Variants in SPAG16 observed in about 807,000 individuals in gnomAD.
SPAG16 encodes sperm associated antigen 16.
In SPAG16, 86 loss-of-function variants were observed where a neutral mutation model predicts 80.4. The observed-to-expected ratio is 1.07, with a 90% CI of 0.90 to 1.28. The LOEUF (loss-of-function observed/expected upper bound fraction) is 1.28, where lower values mean the gene tolerates loss of function less well. Ranked by LOEUF, SPAG16 falls within the 50% of genes most tolerant of loss-of-function variation. The pLI is 0.00. For missense variants in SPAG16, 870 were observed against 765.3 expected, an observed-to-expected ratio of 1.14 and a Z score of -1.61; for synonymous variants, 294 against 265.9, an observed-to-expected ratio of 1.11 and a Z score of -1.03.
chr2:213,802,991 C>T (rs1006630988), intron 10 of SPAG16, among the ~76,000 whole-genome samples: 3 of 151,556 alleles, frequency 2.0e-5, no homozygotes, highest in Non-Finnish European at 4.4e-5. Context: ...CTGGATTATA[C>T]TTCAGGGCAG....
intron 10 of SPAG16, among the ~76,000 whole-genome samples, chr2:213,842,477 A>T (rs2074408407): frequency 6.6e-6 from 1 of 152,238 alleles, no homozygotes; most frequent in African/African-American, 2.4e-5. Context: ...TCTATTGGAT[A>T]TACCTTGGCA....
At chr2:213,743,873 T>A (rs2067693024) in intron 10 of SPAG16, among the ~76,000 whole-genome samples, 1 of 152,242 alleles carries the variant, frequency 6.6e-6, no homozygotes, top group Admixed American at 6.5e-5. Context: ...TTAAATGTGT[T>A]AGAACTCAAT....
chr2:214,240,804 G>T (rs1340192702), intron 15 of SPAG16: 1 of 152,052 alleles, frequency 6.6e-6, no homozygotes, highest in African/African-American at 2.4e-5. Context: ...TTATGTGAAA[G>T]AAAAATACAT....
At chr2:213,329,525 G>A (rs7583832) in intron 5 of SPAG16, among the ~76,000 whole-genome samples, 103,796 of 151,996 alleles carry the variant, frequency 0.68, 36,239 homozygotes, top group East Asian at 1. Flanking sequence ...TTATTATCTG[G>A]TGGAAGAAAT....
chr2:213,485,011 T>C (rs2073918012), intron 9 of SPAG16, among the ~76,000 whole-genome samples: 1 of 152,064 alleles, frequency 6.6e-6, no homozygotes, highest in Non-Finnish European at 1.5e-5. Context: ...TTTTTTTTTT[T>C]GAGACAGCGT....
At chr2:213,866,606 T>C (rs933556091) in intron 11 of SPAG16, among the ~76,000 whole-genome samples, 1 of 152,116 alleles carries the variant, frequency 6.6e-6, no homozygotes, top group African/African-American at 2.4e-5. Flanking sequence ...CTTAATAAGA[T>C]CTGCCAGGTG....
rs536763371 is a variant in SPAG16, at chr2:213,361,820, C to T, written c.763-2256C>T. 8.0e-3 allele frequency among the ~76,000 whole-genome samples: 1,220 copies of T among 151,754 alleles called. 20 individuals are homozygous for T. Among genetic ancestry groups the T allele is most frequent in the African/African-American group, 0.028 (1,157 of 41,334 alleles). The stretch of plus-strand genomic sequence containing the variant: ...ACACACACACACACACACACACACA[C>T]ACACACACAGAGGCTGTGAATAAAT... On this transcript the variant is annotated intron_variant, in intron 7 of 15. Transcript: ENST00000331683.
At chr2:213,654,797 G>A (rs916828898) in intron 10 of SPAG16, among the ~76,000 whole-genome samples, 4 of 151,952 alleles carry the variant, frequency 2.6e-5, no homozygotes, top group Admixed American at 2.6e-4. Context: ...ACTAGAAATG[G>A]CACCACTATC....
intron 12 of SPAG16, among the ~76,000 whole-genome samples, chr2:214,010,567 A>T (rs946009708): frequency 6.8e-6 from 1 of 146,544 alleles, no homozygotes; most frequent in Non-Finnish European, 1.5e-5. Context: ...TGGATGGGAG[A>T]TTGGAGAGAC....
chr2:213,740,668 G>A (rs955817878), intron 10 of SPAG16, among the ~76,000 whole-genome samples: 9 of 152,230 alleles, frequency 5.9e-5, no homozygotes, highest in Non-Finnish European at 8.8e-5. Context: ...ACTGTGTAAA[G>A]TGAAAATAAC....
intron 15 of SPAG16, among the ~76,000 whole-genome samples, chr2:214,296,837 T>A (rs1694167142): frequency 6.6e-6 from 1 of 152,198 alleles, no homozygotes; most frequent in Non-Finnish European, 1.5e-5. Flanking sequence ...CCCTCATGAA[T>A]GGCTTGGTGC....
intron 12 of SPAG16, among the ~76,000 whole-genome samples, chr2:213,966,687 C>A (rs2044727452): frequency 6.6e-6 from 1 of 152,104 alleles, no homozygotes; most frequent in Non-Finnish European, 1.5e-5. Flanking sequence ...GAGCAATAAT[C>A]CTTATTAAAA....
intron 13 of SPAG16, among the ~76,000 whole-genome samples, chr2:214,027,465 G>T (rs1331143952): frequency 6.6e-6 from 1 of 151,596 alleles, no homozygotes. Flanking sequence ...CATCCTTGCA[G>T]GTTTATTTTT....
chr2:213,708,682 C>T (rs563022593), intron 10 of SPAG16, among the ~76,000 whole-genome samples: 5 of 152,198 alleles, frequency 3.3e-5, no homozygotes, highest in Admixed American at 1.3e-4. Flanking sequence ...GGTGTTATGG[C>T]ACACACCGCA....
At chr2:214,219,322 TGAG>T (rs2058505355) in intron 15 of SPAG16, among the ~76,000 whole-genome samples, 1 of 152,242 alleles carries the variant, frequency 6.6e-6, no homozygotes, top group East Asian at 1.9e-4. Context: ...TTGATTATAA[TGAG>T]TAGTATTTAT....
chr2:214,348,357 C>T (rs578145149), intron 15 of SPAG16, among the ~76,000 whole-genome samples: 5 of 152,294 alleles, frequency 3.3e-5, no homozygotes, highest in Admixed American at 1.3e-4. Context: ...TGGGCTCTGA[C>T]AATTTTTTGA....
At position 214,108,212 on chromosome 2, in the gene SPAG16, C is replaced by T; in HGVS notation, c.1544C>T (p.Ser515Leu). The T allele has an allele frequency of 6.3e-7, 1 of 1,594,640 alleles. No homozygotes were observed. Among genetic ancestry groups the T allele is most frequent in the African/African-American group, 1.3e-5 (1 of 74,786 alleles). Residue 515 changes from serine (S) to leucine (L), a missense_variant, in exon 14 of 16, where the codon TCA becomes TTA. Ser to Leu is a moderately radical substitution (Grantham distance 145). Coordinates refer to ENST00000331683, the MANE Select transcript of SPAG16 (RefSeq NM_024532.5). ...WDARTGICEQSLYGHMHSIND... is the reference protein window; with the variant it reads ...WDARTGICEQLLYGHMHSIND... ...TCTTCCTAGGGTATATGTGAGCAGT[C>T]ACTTTATGGTCACATGCATTCTATC...
chr2:214,323,347 T>C (rs1322879304), intron 15 of SPAG16, among the ~76,000 whole-genome samples: 1 of 151,258 alleles, frequency 6.6e-6, no homozygotes, highest in East Asian at 1.9e-4. Flanking sequence ...TATTTATTTA[T>C]TTATTTATTT....
At chr2:213,773,131 C>A (rs2069358623) in intron 10 of SPAG16, among the ~76,000 whole-genome samples, 1 of 151,274 alleles carries the variant, frequency 6.6e-6, no homozygotes, top group African/African-American at 2.4e-5. Context: ...TTTTAGAGTT[C>A]TTTTTATCAT....
Sources: allele counts gnomAD v4.1 joint callset (sites outside exome capture counted in the v4.1 genomes callset), GRCh38; gene constraint gnomAD v4.1.1; transcripts MANE v1.5; gene names NCBI Gene and HGNC (gene_info 2026-07-23, HGNC 2026-07-21).